CDS1: variants seen among roughly 807,000 people sequenced by gnomAD.
CDS1 encodes phosphatidate cytidylyltransferase 1.
CDS1 carries 41 observed loss-of-function variants against 62.1 expected under a neutral mutation model. The ratio of observed to expected loss-of-function variants is 0.66; its 90% confidence interval spans 0.51 to 0.86. The LOEUF (loss-of-function observed/expected upper bound fraction) is 0.86, where lower values mean the gene tolerates loss of function less well. CDS1 is among the 40% of genes least tolerant of loss of function. The pLI is 0.00. For synonymous variants in CDS1, 185 were observed against 192.6 expected (o/e 0.96, Z 0.32); for missense variants, 470 against 550.1 (o/e 0.85, Z 1.46).
In CDS1 at chr4:84,641,481, A is replaced by G. The variant is rs188778565; in HGVS notation, c.1032+491A>G. Among the ~76,000 whole-genome samples the G allele has an allele frequency of 5.3e-5, 8 of 152,372 alleles. No individual in the cohort carries two copies. In the East Asian group the frequency reaches 1.5e-3, roughly 29 times the overall value. Reference sequence around the variant, plus strand: ...TGGTTTTAGTGTTAGCTTAAATCAAATGGATGAGAACGGGTTACAAATCAA... The same window carrying G: ...TGGTTTTAGTGTTAGCTTAAATCAAGTGGATGAGAACGGGTTACAAATCAA... On this transcript the variant is annotated intron_variant, in intron 10 of 12. Transcript: ENST00000295887.
intron 5 of CDS1, among the ~76,000 whole-genome samples, chr4:84,620,088 T>TA (rs1578037949): frequency 6.6e-6 from 1 of 151,208 alleles, no homozygotes; most frequent in Admixed American, 6.6e-5. Context: ...CAAATTGTAG[T>TA]AAAAAAACTT....
chr4:84,604,138 A>T, intron 1 of CDS1, 105 bp from the exon 2 acceptor site: 1 of 924,084 alleles, frequency 1.1e-6, no homozygotes, highest in Non-Finnish European at 1.7e-6. Flanking sequence ...TTTGTTTCAG[A>T]TTATGTCACT....
chr4:84,635,409 G>A, intron 8 of CDS1, 58 bp downstream of exon 8: 3 of 843,870 alleles, frequency 3.6e-6, no homozygotes, highest in Non-Finnish European at 6.0e-6. Flanking sequence ...AGCCACTGGA[G>A]AACATTTCCA....
chr4:84,588,835 A>C (rs1338234392), intron 1 of CDS1, among the ~76,000 whole-genome samples: 1 of 152,246 alleles, frequency 6.6e-6, no homozygotes. Context: ...TCTCCAGACC[A>C]GTGGCTGGTA....
chr4:84,617,185 G>T (rs1723522806), intron 3 of CDS1, among the ~76,000 whole-genome samples: 1 of 152,170 alleles, frequency 6.6e-6, no homozygotes, highest in African/African-American at 2.4e-5. Flanking sequence ...GGTATCTCAA[G>T]AAACATAATG....
intron 5 of CDS1, among the ~76,000 whole-genome samples, chr4:84,631,542 C>T (rs1318753135): frequency 6.6e-6 from 1 of 152,044 alleles, no homozygotes; most frequent in Non-Finnish European, 1.5e-5. Flanking sequence ...TTTCCATGCC[C>T]ACATATTAGC....
At chr4:84,619,595 TTC>T (rs1342777519) in intron 5 of CDS1, 62 bp downstream of exon 5, 5 of 1,009,602 alleles carry the variant, frequency 5.0e-6, no homozygotes, top group Non-Finnish European at 5.5e-6. Flanking sequence ...TTATTTTTAT[TTC>T]TGTTATTTTA....
At chr4:84,639,578 G>A (rs190591968) in intron 9 of CDS1, among the ~76,000 whole-genome samples, 4 of 152,272 alleles carry the variant, frequency 2.6e-5, no homozygotes, top group Middle Eastern at 3.4e-3. Context: ...ATTAAAAGGT[G>A]TCTAGTGAGA....
At chr4:84,647,576 C>T (rs1724593021) in intron 12 of CDS1, among the ~76,000 whole-genome samples, 1 of 152,128 alleles carries the variant, frequency 6.6e-6, no homozygotes. Context: ...GGGGTTTATG[C>T]TGTGAAGTTG....
intron 10 of CDS1, among the ~76,000 whole-genome samples, chr4:84,642,310 G>C (rs562051040): frequency 1.4e-5 from 2 of 147,568 alleles, no homozygotes; most frequent in Admixed American, 6.8e-5. Flanking sequence ...TGGGCAACAA[G>C]AGTGAAACTC....
chr4:84,605,933 C>A (rs372860990), intron 2 of CDS1, among the ~76,000 whole-genome samples: 54 of 152,154 alleles, frequency 3.5e-4, no homozygotes, highest in East Asian at 3.5e-3. Flanking sequence ...AAGTTATGGA[C>A]CCACATTCTG....
chr4:84,614,532 C>G (rs1212101601), intron 3 of CDS1, among the ~76,000 whole-genome samples: 1 of 151,844 alleles, frequency 6.6e-6, no homozygotes, highest in African/African-American at 2.4e-5. Context: ...GGAGTATTTT[C>G]TTAGAAAAAA....
intron 4 of CDS1, 68 bp from the exon 5 acceptor site, chr4:84,619,326 T>C: frequency 1.2e-6 from 1 of 802,584 alleles, no homozygotes; most frequent in East Asian, 2.9e-5. Flanking sequence ...ATGTAGAAAA[T>C]AATTTTGTTG....
At chr4:84,601,133 A>G (rs909214988) in intron 1 of CDS1, among the ~76,000 whole-genome samples, 4 of 143,242 alleles carry the variant, frequency 2.8e-5, no homozygotes, top group Non-Finnish European at 6.0e-5. Flanking sequence ...AGATCACGCC[A>G]CTGCACTCCA....
chr4:84,633,143 G>A lies in CDS1; in HGVS notation c.640-714G>A, dbSNP rs184567530. Among the ~76,000 whole-genome samples the A allele has an allele frequency of 2.0e-5, 3 of 152,198 alleles. No homozygotes were observed. The East Asian group carries it at 5.8e-4, about 29-fold the overall frequency. ...TATCTCAAGGGTGGGGGTCCAGGGA[G>A]AATAAATCAAAATCTTAAGAATTTT... On this transcript the variant is annotated intron_variant, in intron 6 of 12. Coordinates refer to ENST00000295887, the MANE Select transcript of CDS1 (RefSeq NM_001263.4).
At chr4:84,607,432 C>A (rs1187010949) in intron 2 of CDS1, among the ~76,000 whole-genome samples, 1 of 151,270 alleles carries the variant, frequency 6.6e-6, no homozygotes, top group Non-Finnish European at 1.5e-5. Flanking sequence ...CCTCTCCCCC[C>A]ACTCCCCCCG....
At chr4:84,645,117 T>C (rs1724517253) in intron 11 of CDS1, 105 bp from the exon 12 acceptor site, 3 of 712,906 alleles carry the variant, frequency 4.2e-6, no homozygotes, top group Middle Eastern at 5.0e-4. Flanking sequence ...CCAATAGTAA[T>C]GTATTTTCGT....
At chr4:84,647,616 G>A (rs1348546476) in intron 12 of CDS1, among the ~76,000 whole-genome samples, 4 of 152,128 alleles carry the variant, frequency 2.6e-5, no homozygotes, top group South Asian at 2.1e-4. Flanking sequence ...GAAATAAGGC[G>A]AACAGTGTCC....
At chr4:84,626,188 C>A (rs546437663) in intron 5 of CDS1, among the ~76,000 whole-genome samples, 6 of 151,560 alleles carry the variant, frequency 4.0e-5, no homozygotes, top group South Asian at 4.2e-4. Context: ...AACAAACAAA[C>A]AAAAAAAACA....
Sources: allele counts gnomAD v4.1 joint callset (sites outside exome capture counted in the v4.1 genomes callset), GRCh38; gene constraint gnomAD v4.1.1; transcripts MANE v1.5; gene names NCBI Gene and HGNC (gene_info 2026-07-23, HGNC 2026-07-21).